NEDD4L: variants seen among roughly 807,000 people sequenced by gnomAD.
NEDD4L encodes E3 ubiquitin-protein ligase NEDD4-like.
A neutral mutation model predicts 148.9 loss-of-function variants in NEDD4L; 54 were observed. The observed-to-expected ratio is 0.36, with a 90% confidence interval of 0.29 to 0.45. The LOEUF (loss-of-function observed/expected upper bound fraction) is 0.45. NEDD4L is among the 20% of genes least tolerant of loss of function. NEDD4L has a pLI of 1.00. For missense variants in NEDD4L, 856 were observed against 1,233.8 expected (o/e 0.69, Z 4.59); for synonymous variants, 433 against 440.7 (o/e 0.98, Z 0.22).
chr18:58,256,524 G>A lies in NEDD4L; in HGVS notation c.297+4470G>A. The A allele has an allele frequency of 8.1e-7, 1 of 1,232,280 alleles. No individual in the cohort carries two copies. Among genetic ancestry groups the A allele is most frequent in the Non-Finnish European group, 1.0e-6 (1 of 988,050 alleles). The allele number at this position is 1,232,280 out of a possible 1,614,324, so 76.3% of individuals were successfully genotyped here. ...CCCACGCAGCCCCGAAGCGAGCGAGGGAGCCCCACGGAAGATCGGGGAGCC... is the reference window on the plus strand; with the variant it reads ...CCCACGCAGCCCCGAAGCGAGCGAGAGAGCCCCACGGAAGATCGGGGAGCC... On this transcript the variant is annotated intron_variant, in intron 5 of 30. Transcript: ENST00000400345. The surrounding 1 kb of genome is among the most constrained non-coding windows in gnomAD (Gnocchi z 5.2).
intron 1 of NEDD4L, among the ~76,000 whole-genome samples, chr18:58,059,819 C>CTT (rs1351882736): frequency 3.3e-5 from 5 of 152,172 alleles, no homozygotes; most frequent in Non-Finnish European, 7.3e-5. Context: ...CATAGGTTAA[C>CTT]TAGCTTGAAT....
At chr18:58,174,459 CT>C (rs1286712729) in intron 2 of NEDD4L, among the ~76,000 whole-genome samples, 2 of 152,206 alleles carry the variant, frequency 1.3e-5, no homozygotes, top group South Asian at 4.1e-4. Context: ...GGACCCGCCC[CT>C]ATCTGCCCAG....
At chr18:58,231,124 C>A (rs761144281) in intron 2 of NEDD4L, among the ~76,000 whole-genome samples, 31 of 151,572 alleles carry the variant, frequency 2.0e-4, no homozygotes, top group Non-Finnish European at 4.0e-4. Flanking sequence ...GGCAGCATGC[C>A]CATAGTCCCA....
chr18:58,253,125 A>G (rs147432291), intron 5 of NEDD4L, among the ~76,000 whole-genome samples: 39 of 152,216 alleles, frequency 2.6e-4, no homozygotes, highest in Non-Finnish European at 5.3e-4. Flanking sequence ...GCAGTATTCA[A>G]TTGAAACTCC....
intron 1 of NEDD4L, among the ~76,000 whole-genome samples, chr18:58,113,570 A>G (rs28435764): frequency 0.026 from 4,012 of 152,262 alleles, 184 homozygotes; most frequent in African/African-American, 0.092. Flanking sequence ...TTTCCCAGGC[A>G]GGGACACTCT....
At chr18:58,180,238 C>T (rs1359382713) in intron 2 of NEDD4L, among the ~76,000 whole-genome samples, 1 of 152,182 alleles carries the variant, frequency 6.6e-6, no homozygotes, top group Non-Finnish European at 1.5e-5. Flanking sequence ...CCCAGAACCA[C>T]CCCCTTCTCC....
intron 1 of NEDD4L, among the ~76,000 whole-genome samples, chr18:58,102,093 C>A (rs1235200328): frequency 6.6e-6 from 1 of 152,062 alleles, no homozygotes; most frequent in Non-Finnish European, 1.5e-5. Flanking sequence ...TTTTCTTTCC[C>A]TGAATGTTTA....
At chr18:58,052,664 A>C (rs1011993461) in intron 1 of NEDD4L, among the ~76,000 whole-genome samples, 13 of 141,880 alleles carry the variant, frequency 9.2e-5, no homozygotes, top group Non-Finnish European at 1.7e-4. Flanking sequence ...TTTTTTTTTA[A>C]GTTTAAAAAG....
intron 5 of NEDD4L, among the ~76,000 whole-genome samples, chr18:58,268,025 C>A (rs2050472037): frequency 6.6e-6 from 1 of 151,960 alleles, no homozygotes; most frequent in Non-Finnish European, 1.5e-5. Flanking sequence ...TTCTGATGGT[C>A]CCCTGAAAAA....
chr18:58,204,489 A>T (rs753471395), intron 2 of NEDD4L, among the ~76,000 whole-genome samples: 19 of 152,226 alleles, frequency 1.2e-4, no homozygotes, highest in Non-Finnish European at 2.8e-4. Flanking sequence ...TACATAAAGG[A>T]GTAAAGTAAG....
intron 1 of NEDD4L, among the ~76,000 whole-genome samples, chr18:58,107,234 C>T (rs550764883): frequency 1.3e-5 from 2 of 152,212 alleles, no homozygotes; most frequent in Non-Finnish European, 2.9e-5. Context: ...AGTCACACTC[C>T]GAGGTACTGG....
intron 18 of NEDD4L, among the ~76,000 whole-genome samples, chr18:58,355,838 TTAAAA>T (rs1317763489): frequency 6.6e-6 from 1 of 151,964 alleles, no homozygotes; most frequent in Non-Finnish European, 1.5e-5. Flanking sequence ...TCTGCTTCTA[TTAAAA>T]TAATAATAAG....
At chr18:58,276,694 A>ATTAT (rs367992185) in intron 5 of NEDD4L, among the ~76,000 whole-genome samples, 142 of 97,826 alleles carry the variant, frequency 1.5e-3, no homozygotes, top group Middle Eastern at 4.9e-3. Context: ...AATAATAATA[A>ATTAT]TATTATTATT....
At chr18:58,154,164 G>A (rs1285362753) in intron 1 of NEDD4L, among the ~76,000 whole-genome samples, 1 of 152,170 alleles carries the variant, frequency 6.6e-6, no homozygotes, top group African/African-American at 2.4e-5. Flanking sequence ...AAGTCTGTAA[G>A]GCCAAGAAAA....
intron 1 of NEDD4L, among the ~76,000 whole-genome samples, chr18:58,076,728 G>A (rs148011645): frequency 7.9e-4 from 120 of 152,076 alleles, no homozygotes; most frequent in African/African-American, 2.7e-3. Flanking sequence ...AATGGCTCCA[G>A]TTCCCCCACC....
chr18:58,072,278 G>C (rs574652637), intron 1 of NEDD4L, among the ~76,000 whole-genome samples: 66 of 152,110 alleles, frequency 4.3e-4, no homozygotes, highest in Admixed American at 7.9e-4. Context: ...GAAAACTATG[G>C]AACAATATCC....
Position 58,370,474 on chromosome 18 carries a change from A to G in NEDD4L, c.2256+7A>G. ...GAATGACATGGAATCTGTGGTAAGT[A>G]AATGCACGTCACACACTGGCCATCA... On this transcript the variant is annotated splice_region_variant and intron_variant, in intron 23 of 30. Coordinates refer to ENST00000400345, the MANE Select transcript of NEDD4L (RefSeq NM_001144967.3). The G allele has an allele frequency of 6.3e-7, 1 of 1,582,500 alleles. No homozygotes were observed. Among genetic ancestry groups the G allele is most frequent in the Non-Finnish European group, 8.7e-7 (1 of 1,151,006 alleles).
At chr18:58,142,835 A>T (rs1159449419) in intron 1 of NEDD4L, among the ~76,000 whole-genome samples, 4 of 151,138 alleles carry the variant, frequency 2.6e-5, no homozygotes, top group East Asian at 1.9e-4. Context: ...ACCTTTTATC[A>T]TTTTTTTTTC....
At chr18:58,161,010 T>C (rs552877670) in intron 1 of NEDD4L, among the ~76,000 whole-genome samples, 1 of 151,270 alleles carries the variant, frequency 6.6e-6, no homozygotes, top group South Asian at 2.2e-4. Flanking sequence ...AGGGTTGTTT[T>C]TCTTTCTTTC....
Sources: allele counts gnomAD v4.1 joint callset (sites outside exome capture counted in the v4.1 genomes callset), GRCh38; gene constraint gnomAD v4.1.1; non-coding constraint Gnocchi (gnomAD v3.1); transcripts MANE v1.5; gene names NCBI Gene and HGNC (gene_info 2026-07-23, HGNC 2026-07-21).